The following RYR3 variants were observed in gnomAD, a reference collection of about 807,000 sequenced individuals.
RYR3 encodes the protein brain ryanodine receptor-calcium release channel.
In RYR3, 207 loss-of-function variants were observed where a neutral mutation model predicts 584.3. That is an observed-to-expected ratio of 0.35 (90% CI 0.32 to 0.40). The LOEUF is 0.40. RYR3 is among the 10% of genes least tolerant of loss of function. RYR3 has a pLI of 1.00. For missense variants in RYR3, 5,616 were observed against 6,089.2 expected, an observed-to-expected ratio of 0.92 and a Z score of 2.59; for synonymous variants, 2,416 against 2,248.5, an observed-to-expected ratio of 1.07 and a Z score of -2.11.
At position 33,463,163 on chromosome 15, in the gene RYR3, C is replaced by CA. The variant is rs1187564488; in HGVS notation, c.52-10243dup. ...TGGGTGACAGAGTGAGACCCTATCT[C>CA]AAAAAAAAAAAAATTTTTTTTCAGA... On this transcript the variant is annotated intron_variant, in intron 1 of 103. Coordinates refer to ENST00000634891, the MANE Select transcript of RYR3 (RefSeq NM_001036.6). 3.6e-3 allele frequency among the ~76,000 whole-genome samples: 510 copies of CA among 141,930 alleles called. 1 individual carries two copies. Among genetic ancestry groups the CA allele is most frequent in the African/African-American group, 4.1e-3 (159 of 38,654 alleles). 93.1% of individuals were successfully genotyped at this position (141,930 alleles called of 152,430 possible).
chr15:33,569,406 T>C (rs1267947737), intron 12 of RYR3, among the ~76,000 whole-genome samples: 2 of 152,122 alleles, frequency 1.3e-5, no homozygotes, highest in African/African-American at 2.4e-5. Context: ...AACTCCCTAT[T>C]CTCCTGTCCC....
chr15:33,467,845 G>T (rs574921270), intron 1 of RYR3, among the ~76,000 whole-genome samples: 1 of 152,150 alleles, frequency 6.6e-6, no homozygotes, highest in African/African-American at 2.4e-5. Context: ...AAATCTTGTT[G>T]TATTTATTTA....
chr15:33,578,516 A>G (rs2058416136), intron 12 of RYR3, among the ~76,000 whole-genome samples: 2 of 152,124 alleles, frequency 1.3e-5, no homozygotes, highest in African/African-American at 4.8e-5. Context: ...AACAGAAAAC[A>G]AAGCACCACA....
chr15:33,691,670 A>T (rs2065446952), intron 38 of RYR3, among the ~76,000 whole-genome samples: 1 of 152,222 alleles, frequency 6.6e-6, no homozygotes, highest in South Asian at 2.1e-4. Flanking sequence ...TTTAATACAT[A>T]GCAGAAGTGC....
At chr15:33,353,998 C>T (rs147265990) in intron 1 of RYR3, among the ~76,000 whole-genome samples, 203 of 152,284 alleles carry the variant, frequency 1.3e-3, no homozygotes, top group Middle Eastern at 0.01. Flanking sequence ...ATTTATCTGA[C>T]GGCTGCCCAG....
At chr15:33,376,818 G>A (rs2040785136) in intron 1 of RYR3, among the ~76,000 whole-genome samples, 1 of 152,174 alleles carries the variant, frequency 6.6e-6, no homozygotes, top group South Asian at 2.1e-4. Flanking sequence ...GTTAGGTGTT[G>A]AATTATTTTT....
rs763966622 is a variant in RYR3, at chr15:33,649,070, A to T, written c.3979-2A>T. ...TGACTCCCCTCTGCGGTCTCTCCAC[A>T]GCAGTGCTACTACGCCATCCGCATC... On this transcript the variant is annotated splice_acceptor_variant, in intron 30 of 103. Coordinates refer to ENST00000634891, the MANE Select transcript of RYR3 (RefSeq NM_001036.6). LOFTEE classifies it high-confidence loss of function. 1.2e-6 allele frequency: 2 copies of T among 1,612,452 alleles called. No homozygotes were observed. Among genetic ancestry groups the T allele is most frequent in the Non-Finnish European group, 1.7e-6 (2 of 1,179,522 alleles).
Position 33,801,934 on chromosome 15 carries a change from T to A in RYR3, c.9984T>A (p.Thr3328=). 1 of 1,595,442 alleles carries A rather than the reference T, an allele frequency of 6.3e-7. No homozygotes were observed. Among genetic ancestry groups the A allele is most frequent in the Non-Finnish European group, 8.6e-7 (1 of 1,168,570 alleles). The stretch of plus-strand genomic sequence containing the variant: ...AAATTAATAATTTGGCATTTTTAAC[T>A]GGAGACAGCAAAAGCAAGATGTCAA... ...QNEINNLAFL[T]GDSKSKMSKA... The change falls in exon 69 of 104, where the codon ACT becomes ACA. Residue 3328 remains threonine (T), a synonymous_variant. Coordinates refer to ENST00000634891, the MANE Select transcript of RYR3 (RefSeq NM_001036.6).
chr15:33,523,660 A>G (rs1362282791), intron 3 of RYR3, among the ~76,000 whole-genome samples: 1 of 152,130 alleles, frequency 6.6e-6, no homozygotes, highest in Non-Finnish European at 1.5e-5. Context: ...GGGTAGACCT[A>G]GAATCTAACA....
At chr15:33,800,597 T>C (rs1398484420) in intron 67 of RYR3, among the ~76,000 whole-genome samples, 173 bp from the exon 68 acceptor site, 1 of 152,240 alleles carries the variant, frequency 6.6e-6, no homozygotes, top group African/African-American at 2.4e-5. Context: ...TGTACCTATA[T>C]CTGAATGTTT....
intron 23 of RYR3, among the ~76,000 whole-genome samples, chr15:33,632,403 C>A (rs2061314764): frequency 6.6e-6 from 1 of 152,232 alleles, no homozygotes; most frequent in African/African-American, 2.4e-5. Flanking sequence ...ACATTTGAGG[C>A]TGTAACTCTT....
At chr15:33,765,153 C>T (rs2072905621) in intron 60 of RYR3, among the ~76,000 whole-genome samples, 1 of 151,564 alleles carries the variant, frequency 6.6e-6, no homozygotes, top group African/African-American at 2.4e-5. Flanking sequence ...ATCAAAAGCA[C>T]CAGGCTTCCT....
At chr15:33,726,299 C>G (rs533598530) in intron 45 of RYR3, 87 bp from the exon 46 acceptor site, 14 of 1,482,460 alleles carry the variant, frequency 9.4e-6, no homozygotes, top group Non-Finnish European at 1.2e-5. Context: ...GCCCTTAAGC[C>G]GTTTTACTGC....
intron 50 of RYR3, among the ~76,000 whole-genome samples, chr15:33,739,344 T>A (rs1355814009): frequency 2.6e-5 from 4 of 152,156 alleles, no homozygotes; most frequent in Non-Finnish European, 5.9e-5. Flanking sequence ...TGACTGAAAT[T>A]CATTTCTGGC....
At chr15:33,488,864 A>G (rs912244646) in intron 2 of RYR3, among the ~76,000 whole-genome samples, 1 of 152,022 alleles carries the variant, frequency 6.6e-6, no homozygotes, top group Non-Finnish European at 1.5e-5. Context: ...AAACAAACAA[A>G]CAAACAAACA....
chr15:33,865,436 T>G lies in RYR3; in HGVS notation c.*210T>G, dbSNP rs569652283. ...CTGTGGGAGAGAACCTGTCAAAATG[T>G]CGAAGAAGGAAGGCGAAGAATCAAG... is the stretch of plus-strand genomic sequence containing the variant. On this transcript the variant is annotated 3_prime_UTR_variant, in exon 104 of 104. Transcript: ENST00000634891. 1 of 507,298 alleles carries G rather than the reference T, an allele frequency of 2.0e-6. No individual in the cohort carries two copies. Among genetic ancestry groups the G allele is most frequent in the South Asian group, 3.2e-5 (1 of 31,478 alleles). The allele number at this position is 507,298 out of a possible 1,614,324, so 31.4% of individuals were successfully genotyped here.
At chr15:33,650,802 C>A (rs1241590723) in intron 31 of RYR3, among the ~76,000 whole-genome samples, 1 of 152,126 alleles carries the variant, frequency 6.6e-6, no homozygotes, top group East Asian at 1.9e-4. Flanking sequence ...ATAAGTGGAC[C>A]CACATATAAT....
chr15:33,651,611 A>G (rs1332604622), intron 31 of RYR3, among the ~76,000 whole-genome samples: 1 of 152,022 alleles, frequency 6.6e-6, no homozygotes, highest in African/African-American at 2.4e-5. Flanking sequence ...AGGTGAAGCA[A>G]CTCTCAGAGT....
chr15:33,794,327 ATATATGTTTAT>A (rs2075437885), intron 67 of RYR3, among the ~76,000 whole-genome samples: 1 of 34,316 alleles, frequency 2.9e-5, no homozygotes, highest in African/African-American at 5.5e-5. Context: ...ATATATTTTT[ATATATGTTTAT>A]ATATATAAAA....
Sources: allele counts gnomAD v4.1 joint callset (sites outside exome capture counted in the v4.1 genomes callset), GRCh38; gene constraint gnomAD v4.1.1; transcripts MANE v1.5; gene names NCBI Gene and HGNC (gene_info 2026-07-23, HGNC 2026-07-21).